The following UNC80 variants were observed in gnomAD, a reference collection of about 807,000 sequenced individuals.
The protein encoded by UNC80 is unc-80 subunit of NALCN channel complex.
UNC80 carries 164 observed loss-of-function variants against 384.6 expected under a neutral mutation model. The ratio of observed to expected loss-of-function variants is 0.43; its 90% confidence interval spans 0.38 to 0.49. The LOEUF is 0.49. Ranked by LOEUF, UNC80 falls within the 20% of genes least tolerant of loss-of-function variation. The pLI is 0.00. For missense variants in UNC80, 3,330 were observed against 4,143.0 expected (o/e 0.80, Z 5.39); for synonymous variants, 1,486 against 1,527.8 (o/e 0.97, Z 0.64).
Position 209,793,804 on chromosome 2 carries a change from T to A in UNC80, c.883T>A (p.Phe295Ile). The change falls in exon 7 of 65, where the codon TTT (phenylalanine) becomes ATT (isoleucine). Residue 295 changes from phenylalanine (F) to isoleucine (I), a missense_variant. By Grantham distance (21) the Phe-to-Ile change is conservative. Around this residue, in one of 8 missense-constraint regions of UNC80, gnomAD observed 937 missense variants for 1,026.8 expected, o/e 0.91. Coordinates refer to ENST00000673920, the MANE Select transcript of UNC80 (RefSeq NM_001371986.1). ...TTCAGGCTGTCACCGAGGAAACTCC[T>A]TTGATGGAAGTCTGTCCTCCCAAAC... ...TISGCHRGNS[F>I]DGSLSSQTSQ... The A allele has an allele frequency of 6.2e-7, 1 of 1,614,176 alleles. No homozygotes were observed. Among genetic ancestry groups the A allele is most frequent in the African/African-American group, 1.3e-5 (1 of 75,064 alleles).
intron 9 of UNC80, among the ~76,000 whole-genome samples, chr2:209,815,658 G>T (rs889541610): frequency 6.6e-6 from 1 of 152,182 alleles, no homozygotes; most frequent in Non-Finnish European, 1.5e-5. Flanking sequence ...GTAAAGTAGT[G>T]TGGTGGTGGA....
chr2:209,822,567 G>A (rs2080216623), intron 13 of UNC80, among the ~76,000 whole-genome samples: 2 of 152,098 alleles, frequency 1.3e-5, no homozygotes, highest in Admixed American at 1.3e-4. Context: ...CCAAAAAAAA[G>A]AGAATATTAT....
chr2:209,814,727 T>C (rs1011887934), intron 8 of UNC80, among the ~76,000 whole-genome samples: 3 of 152,162 alleles, frequency 2.0e-5, no homozygotes, highest in Non-Finnish European at 2.9e-5. Flanking sequence ...TTGCCCTCTT[T>C]CTCGTCAACA....
chr2:209,864,439 T>C (rs9973633), intron 22 of UNC80, among the ~76,000 whole-genome samples: 26,389 of 151,994 alleles, frequency 0.17, 3,131 homozygotes, highest in African/African-American at 0.33. Flanking sequence ...CTCAGAGCTA[T>C]CTCAGGGATT....
intron 28 of UNC80, among the ~76,000 whole-genome samples, chr2:209,899,546 T>G (rs1021173254): frequency 6.6e-6 from 1 of 152,180 alleles, no homozygotes; most frequent in Non-Finnish European, 1.5e-5. Flanking sequence ...CAGAGAGGAT[T>G]CACCCTGTCC....
chr2:209,829,428 T>A (rs2080792450), intron 15 of UNC80, 49 bp downstream of exon 15: 1 of 1,543,460 alleles, frequency 6.5e-7, no homozygotes, highest in African/African-American at 1.4e-5. Flanking sequence ...GTGAGGTGAA[T>A]CAGGTAGTGT....
At chr2:209,813,956 G>A in intron 8 of UNC80, 115 bp downstream of exon 8, 1 of 1,286,200 alleles carries the variant, frequency 7.8e-7, no homozygotes, top group East Asian at 2.5e-5. Context: ...TGGTTGGTGG[G>A]TTACACTGTT....
chr2:209,930,923 G>A (rs1289002732), intron 37 of UNC80, 45 bp from the exon 38 acceptor site: 4 of 1,357,170 alleles, frequency 2.9e-6, no homozygotes, highest in Admixed American at 4.3e-5. Flanking sequence ...ATTTTCTACA[G>A]CATGGCAGCT....
At chr2:209,915,186 C>T (rs1240567889) in intron 31 of UNC80, among the ~76,000 whole-genome samples, 4 of 151,742 alleles carry the variant, frequency 2.6e-5, no homozygotes, top group Non-Finnish European at 2.9e-5. Context: ...GGGCGGATCA[C>T]GAGGTCAGGA....
chr2:209,929,314 T>C (rs1189675627), intron 36 of UNC80, among the ~76,000 whole-genome samples: 1 of 152,158 alleles, frequency 6.6e-6, no homozygotes, highest in Non-Finnish European at 1.5e-5. Flanking sequence ...GAAATAGCAC[T>C]TTCTTTCTCA....
At chr2:209,865,465 T>G (rs1277604603) in intron 22 of UNC80, among the ~76,000 whole-genome samples, 2 of 151,752 alleles carry the variant, frequency 1.3e-5, no homozygotes, top group African/African-American at 2.4e-5. Flanking sequence ...AGCCAGGCGT[T>G]GTGGCGGACG....
chr2:209,859,258 C>T (rs1262750152), intron 22 of UNC80, among the ~76,000 whole-genome samples: 5 of 152,152 alleles, frequency 3.3e-5, no homozygotes, highest in South Asian at 4.1e-4. Flanking sequence ...CATTGTTCAA[C>T]TCCCACTTAT....
In UNC80 at chr2:209,977,007, G is replaced by A. The variant is rs1218170146; in HGVS notation, c.8867G>A (p.Cys2956Tyr). 5.8e-6 allele frequency: 9 copies of A among 1,539,466 alleles called. No homozygotes were observed. The East Asian group carries it at 2.2e-4, about 38-fold the overall frequency. Residue 2956 changes from cysteine to tyrosine, a missense_variant, in exon 58 of 65, where the codon TGT becomes TAT. Cys to Tyr is a radical substitution (Grantham distance 194, BLOSUM62 -2). Transcript: ENST00000673920. ...CGGCGCTTCATACCACGCCCTTTGT[G>A]TAAGAGCTCGCTCATTGCTGAGTTC... ...LERRFIPRPL[C>Y]KSSLIAEFNS...
At position 209,808,871 on chromosome 2, in the gene UNC80, C is replaced by G. The variant is rs562185508; in HGVS notation, c.939-4709C>G. 23 of 297,158 alleles carry G rather than the reference C, an allele frequency of 7.7e-5. No individual in the cohort carries two copies. In the East Asian group the frequency reaches 2.5e-3, roughly 33 times the overall value. 18.4% of individuals were successfully genotyped at this position (297,158 alleles called of 1,614,324 possible). A position where few individuals can be genotyped will look rare whatever the true frequency, so the allele number is the denominator to read the frequency against. On this transcript the variant is annotated intron_variant, in intron 7 of 64. Coordinates refer to ENST00000673920, the MANE Select transcript of UNC80 (RefSeq NM_001371986.1). ...CGGAAGCCCAACTACAGCAAACTGC[C>G]GGACTCGAATCCAGAGTTTACCTTC...
intron 7 of UNC80, among the ~76,000 whole-genome samples, chr2:209,807,603 T>A (rs1376888774): frequency 6.6e-6 from 1 of 152,132 alleles, no homozygotes; most frequent in Non-Finnish European, 1.5e-5. Context: ...GACCTCGTGA[T>A]CCGCCTGCCT....
At chr2:209,775,197 C>T (rs536851376) in intron 2 of UNC80, among the ~76,000 whole-genome samples, 1 of 152,316 alleles carries the variant, frequency 6.6e-6, no homozygotes, top group South Asian at 2.1e-4. Context: ...CGGAGTGCTA[C>T]ACTCTCTGAT....
intron 7 of UNC80, among the ~76,000 whole-genome samples, chr2:209,797,500 A>G (rs538180497): frequency 5.9e-5 from 9 of 152,266 alleles, no homozygotes; most frequent in African/African-American, 1.9e-4. Flanking sequence ...AAAGCACACG[A>G]TCTCTTTCCT....
intron 22 of UNC80, among the ~76,000 whole-genome samples, chr2:209,865,225 A>C (rs1226097860): frequency 3.4e-5 from 5 of 145,242 alleles, no homozygotes; most frequent in African/African-American, 8.1e-5. Context: ...TCACACGTTT[A>C]TTATGTTTTT....
At chr2:209,815,683 C>G (rs1265422181) in intron 9 of UNC80, among the ~76,000 whole-genome samples, 1 of 152,092 alleles carries the variant, frequency 6.6e-6, no homozygotes, top group African/African-American at 2.4e-5. Context: ...GTTGTGGTAA[C>G]GATGATGGTA....
Sources: allele counts gnomAD v4.1 joint callset (sites outside exome capture counted in the v4.1 genomes callset), GRCh38; gene constraint gnomAD v4.1.1; regional missense constraint gnomAD v4.1.1; transcripts MANE v1.5; gene names NCBI Gene and HGNC (gene_info 2026-07-23, HGNC 2026-07-21).